Variants in CACNA1B observed in about 807,000 individuals in gnomAD.
CACNA1B encodes the protein calcium voltage-gated channel subunit alpha1 B, also known as voltage-dependent N-type calcium channel subunit alpha-1B.
CACNA1B carries 70 observed loss-of-function variants against 247.2 expected under a neutral mutation model. That is an observed-to-expected ratio of 0.28 (90% CI 0.23 to 0.35). The LOEUF (loss-of-function observed/expected upper bound fraction) is 0.35, where lower values mean the gene tolerates loss of function less well. Ranked by LOEUF, CACNA1B falls within the 10% of genes least tolerant of loss-of-function variation. The pLI, the probability that CACNA1B is intolerant of heterozygous loss-of-function variation, is 1.00. For synonymous variants in CACNA1B, 1,231 were observed against 1,294.4 expected, an observed-to-expected ratio of 0.95 and a Z score of 1.05; for missense variants, 2,367 against 3,197.4, an observed-to-expected ratio of 0.74 and a Z score of 6.26.
intron 6 of CACNA1B, among the ~76,000 whole-genome samples, chr9:137,922,392 C>T (rs1274570681): frequency 6.7e-6 from 1 of 149,710 alleles, no homozygotes; most frequent in Non-Finnish European, 1.5e-5. Context: ...ATCAACACCA[C>T]ACCACACAGC....
chr9:138,116,108 G>A (rs1564295071), intron 42 of CACNA1B, among the ~76,000 whole-genome samples: 1 of 152,182 alleles, frequency 6.6e-6, no homozygotes, highest in Admixed American at 6.5e-5. Context: ...TCAGACAAGA[G>A]GCCCCTGCCC....
chr9:137,983,216 C>T (rs1454579489), intron 12 of CACNA1B, among the ~76,000 whole-genome samples: 1 of 152,216 alleles, frequency 6.6e-6, no homozygotes, highest in African/African-American at 2.4e-5. Context: ...GAATTCTCCA[C>T]ACCAGTTGCA....
intron 13 of CACNA1B, among the ~76,000 whole-genome samples, chr9:137,985,634 G>A (rs1346062886): frequency 6.6e-6 from 1 of 152,232 alleles, no homozygotes; most frequent in Non-Finnish European, 1.5e-5. Flanking sequence ...GAGCCCAGGG[G>A]TGCCCAGGGA....
In CACNA1B at chr9:138,058,154, C is replaced by G. The variant is rs74849357; in HGVS notation, c.4212C>G (p.Pro1404=). The G allele has an allele frequency of 1.1e-5, 17 of 1,613,926 alleles. No individual in the cohort carries two copies. In the African/African-American group the frequency reaches 1.5e-4, roughly 14 times the overall value. ...IFYVVYFVVF[P]FFFVNIFVAL... is the part of the protein sequence containing the mutation. ...ACGTGGTCTACTTTGTGGTCTTTCC[C>G]TTCTTCTTCGTCAACATCTTTGTGG... The change falls in exon 28 of 47, where the codon CCC becomes CCG. Residue 1404 remains proline, a synonymous_variant. Coordinates refer to ENST00000371372, the MANE Select transcript of CACNA1B (RefSeq NM_000718.4). The surrounding 1 kb of genome is among the most constrained non-coding windows in gnomAD (Gnocchi z 4.7).
chr9:137,932,633 A>G (rs1434672209), intron 6 of CACNA1B, among the ~76,000 whole-genome samples: 1 of 152,186 alleles, frequency 6.6e-6, no homozygotes, highest in Non-Finnish European at 1.5e-5. Context: ...AGTGTCCAGT[A>G]ACAATCACCC....
At chr9:137,998,267 G>A (rs1343824567) in intron 15 of CACNA1B, among the ~76,000 whole-genome samples, 1 of 152,120 alleles carries the variant, frequency 6.6e-6, no homozygotes, top group East Asian at 1.9e-4. Flanking sequence ...TTGTGTAATT[G>A]AAAAATAAAG....
chr9:138,115,665 C>T lies in CACNA1B; in HGVS notation c.5763C>T (p.Ser1921=), dbSNP rs770166752. The change falls in exon 42 of 47, where the codon AGC becomes AGT. Residue 1921 remains serine (S), a synonymous_variant. Coordinates refer to ENST00000371372, the MANE Select transcript of CACNA1B (RefSeq NM_000718.4). Reference sequence around the variant, plus strand: ...GACAGAAGAGTTCCACCTCCCTCAGCAATGGCGGGGCCATGTGAGTATCCA... The same window carrying T: ...GACAGAAGAGTTCCACCTCCCTCAGTAATGGCGGGGCCATGTGAGTATCCA... ...FLRQKSSTSL[S]NGGAIQNQES... is the part of the protein sequence containing the mutation. The T allele has an allele frequency of 4.3e-6, 7 of 1,613,098 alleles. No individual in the cohort carries two copies. The highest frequency in any genetic ancestry group is 5.9e-6 in the Non-Finnish European group (7 of 1,179,446).
Position 137,984,383 on chromosome 9 carries a change from A to G in CACNA1B, c.1769+133A>G. The G allele has an allele frequency of 7.2e-6, 5 of 697,276 alleles. No individual in the cohort carries two copies. In the South Asian group the frequency reaches 8.8e-5, roughly 12 times the overall value. 43.2% of individuals were successfully genotyped at this position (697,276 alleles called of 1,614,324 possible). ...TCTGTGGCTTATAGTTGATTTAAAT[A>G]CAAAAGGTGGTTCCAAAACGGCCTT... On this transcript the variant is annotated intron_variant, in intron 13 of 46. Transcript: ENST00000371372.
chr9:138,023,235 G>A lies in CACNA1B; in HGVS notation c.2492G>A (p.Gly831Glu). 6.6e-7 allele frequency: 1 copy of A among 1,513,142 alleles called. No homozygotes were observed. The highest frequency in any genetic ancestry group is 8.8e-7 in the Non-Finnish European group (1 of 1,139,046). 93.7% of individuals were successfully genotyped at this position (1,513,142 alleles called of 1,614,324 possible). Residue 831 changes from glycine (G) to glutamate (E), a missense_variant, in exon 19 of 47, where the codon GGA (glycine) becomes GAA (glutamate). By Grantham distance (98) the Gly-to-Glu change is moderately conservative. Around this residue, in one of 12 missense-constraint regions of CACNA1B, gnomAD observed 631 missense variants for 631.1 expected, o/e 1.00. Coordinates refer to ENST00000371372, the MANE Select transcript of CACNA1B (RefSeq NM_000718.4). ...LGRDGARGPV[G>E]GKARPEAAEA... Reference sequence around the variant, plus strand: ...CGCGACGGCGCGCGGGGGCCCGTGGGAGGCAAAGCCCGACCTGAGGCTGCG... The same window carrying A: ...CGCGACGGCGCGCGGGGGCCCGTGGAAGGCAAAGCCCGACCTGAGGCTGCG...
At position 137,955,286 on chromosome 9, in the gene CACNA1B, C is replaced by T. The variant is rs1339968203; in HGVS notation, c.1071-412C>T. ...TGAACGTTCTCCTCTGGAGAATTCT[C>T]GCCAGGAGCTCTCTGGAGGACAGCA... On this transcript the variant is annotated intron_variant, in intron 7 of 46. Transcript: ENST00000371372. This position sits in a 1 kb window ranked among gnomAD's most constrained non-coding sequence, Gnocchi z 6.9. Among the ~76,000 whole-genome samples, 2 of 152,206 alleles carry T rather than the reference C, an allele frequency of 1.3e-5. No homozygotes were observed. Among genetic ancestry groups the T allele is most frequent in the Non-Finnish European group, 2.9e-5 (2 of 68,036 alleles).
At position 137,891,494 on chromosome 9, in the gene CACNA1B, G is replaced by C. The variant is rs534157398; in HGVS notation, c.530+8611G>C. On this transcript the variant is annotated intron_variant, in intron 3 of 46. Transcript: ENST00000371372. The surrounding 1 kb of genome is among the most constrained non-coding windows in gnomAD (Gnocchi z 4.3). Reference sequence around the variant, plus strand: ...GATGGCTAGGCTGGTGTGGTGCGGTGGCTGGGGGACAGGGGACCTGCATTC... The same window carrying C: ...GATGGCTAGGCTGGTGTGGTGCGGTCGCTGGGGGACAGGGGACCTGCATTC... 1.3e-5 allele frequency: 2 copies of C among 158,142 alleles called. No individual in the cohort carries two copies. Among genetic ancestry groups the C allele is most frequent in the African/African-American group, 2.4e-5 (1 of 41,506 alleles). 9.8% of individuals were successfully genotyped at this position (158,142 alleles called of 1,614,324 possible). A position where few individuals can be genotyped will look rare whatever the true frequency, so the allele number is the denominator to read the frequency against.
chr9:137,995,394 A>G (rs1196091192), intron 15 of CACNA1B, among the ~76,000 whole-genome samples: 1 of 152,174 alleles, frequency 6.6e-6, no homozygotes, highest in Non-Finnish European at 1.5e-5. Flanking sequence ...CTTACAGCCA[A>G]CTGATCTTTG....
chr9:137,928,596 T>A (rs931611309), intron 6 of CACNA1B, among the ~76,000 whole-genome samples: 1 of 152,216 alleles, frequency 6.6e-6, no homozygotes, highest in African/African-American at 2.4e-5. Flanking sequence ...TTTTTGGAGA[T>A]CTTTTTTTTA....
At position 137,905,883 on chromosome 9, in the gene CACNA1B, A is replaced by G. The variant is rs555400146; in HGVS notation, c.531-7297A>G. Among the ~76,000 whole-genome samples, 3 of 152,318 alleles carry G rather than the reference A, an allele frequency of 2.0e-5. No homozygotes were observed. The East Asian group carries it at 5.8e-4, about 29-fold the overall frequency. ...ATGGAGGTGTCCTGCCCTTGTCCTA[A>G]GACACTGTCACCTCGGACCTGCCCT... On this transcript the variant is annotated intron_variant, in intron 3 of 46. Coordinates refer to ENST00000371372, the MANE Select transcript of CACNA1B (RefSeq NM_000718.4).
At chr9:138,068,700 G>A (rs758597957) in intron 31 of CACNA1B, 39 of 504,874 alleles carry the variant, frequency 7.7e-5, no homozygotes, top group African/African-American at 4.6e-4. Context: ...TGGTTTCTGC[G>A]TGTGTGTGCC....
At position 138,023,720 on chromosome 9, in the gene CACNA1B, GAGA is replaced by G. The variant is rs1564243904; in HGVS notation, c.2980_2982del (p.Lys994del). Reference sequence around the variant, plus strand: ...GGCGCAGCCTGCTCACGAGGCTGTGGAGAAGGAGACCACGGAGAAGGAGGCCAC... The same window carrying G: ...GGCGCAGCCTGCTCACGAGGCTGTGGAGGAGACCACGGAGAAGGAGGCCAC... On this transcript the variant is annotated inframe_deletion, in exon 19 of 47. Transcript: ENST00000371372. The G allele has an allele frequency of 7.9e-6, 8 of 1,010,858 alleles. No homozygotes were observed. Among genetic ancestry groups the G allele is most frequent in the South Asian group, 2.3e-5 (1 of 43,966 alleles). The allele number at this position is 1,010,858 out of a possible 1,614,324, so 62.6% of individuals were successfully genotyped here.
At chr9:138,076,003 C>A in intron 35 of CACNA1B, 93 bp downstream of exon 35, 1 of 805,030 alleles carries the variant, frequency 1.2e-6, no homozygotes, top group Non-Finnish European at 2.1e-6. Context: ...ACCGTGGAGA[C>A]CACCCACTTC....
At chr9:137,937,047 A>T (rs1404691827) in intron 6 of CACNA1B, among the ~76,000 whole-genome samples, 1 of 152,170 alleles carries the variant, frequency 6.6e-6, no homozygotes, top group Non-Finnish European at 1.5e-5. Context: ...TGGGGATGGC[A>T]TTGAATCTAT....
In CACNA1B at chr9:138,001,488, A is replaced by G. The variant is rs191189850; in HGVS notation, c.1975-5279A>G. ...ATAATGCTGTTATTTAAAAGAGACC[A>G]TAGCAAGGATCATAGATAATAGTAA... is the stretch of plus-strand genomic sequence containing the variant. On this transcript the variant is annotated intron_variant, in intron 15 of 46. Coordinates refer to ENST00000371372, the MANE Select transcript of CACNA1B (RefSeq NM_000718.4). 5.9e-5 allele frequency among the ~76,000 whole-genome samples: 9 copies of G among 152,312 alleles called. No individual in the cohort carries two copies. The East Asian group carries it at 1.7e-3, about 29-fold the overall frequency.
Sources: gnomAD v4.1 joint callset for allele counts (sites outside exome capture counted in the v4.1 genomes callset) on GRCh38, gnomAD v4.1.1 for gene constraint, gnomAD v4.1.1 regional missense constraint, Gnocchi (gnomAD v3.1) non-coding constraint, MANE v1.5 for transcripts, NCBI Gene and HGNC (gene_info 2026-07-23, HGNC 2026-07-21) for gene names.